Variants in SNX8 observed in about 807,000 individuals in gnomAD.
The protein encoded by SNX8 is sorting nexin 8, also known as sorting nexin-8.
SNX8 carries 25 observed loss-of-function variants against 51.6 expected under a neutral mutation model. The ratio of observed to expected loss-of-function variants is 0.48; its 90% CI spans 0.35 to 0.68. The LOEUF is 0.68. Among genes scored for constraint, SNX8 ranks in the 30% least tolerant of loss-of-function variants. The probability of loss-of-function intolerance (pLI) is 0.00; values close to 1 mark genes in which losing one functional copy is unlikely to be tolerated. For missense variants in SNX8, 695 were observed against 624.0 expected, an observed-to-expected ratio of 1.11 and a Z score of -1.21; for synonymous variants, 324 against 277.0, an observed-to-expected ratio of 1.17 and a Z score of -1.68.
intron 2 of SNX8, among the ~76,000 whole-genome samples, chr7:2,276,586 T>A (rs1795785980): frequency 1.3e-5 from 2 of 151,258 alleles, no homozygotes; most frequent in Admixed American, 1.3e-4. Context: ...GAGGACTGCT[T>A]GAGCCCAGGA....
In SNX8 at chr7:2,253,246, C is replaced by CTG. The variant is rs3075440; in HGVS notation, c.*1808_*1809dup. On this transcript the variant is annotated 3_prime_UTR_variant, in exon 11 of 11. Transcript: ENST00000222990. Reference sequence around the variant, plus strand: ...TGAAGTCTTGCTCAATCCTTGGGGGCTGTCAGGAGCGCGTGCCTTGCCTAC... The same window carrying CTG: ...TGAAGTCTTGCTCAATCCTTGGGGGCTGTGTCAGGAGCGCGTGCCTTGCCTAC... The CTG allele has an allele frequency of 0.92, 141,294 of 154,326 alleles. 64,953 individuals are homozygous for CTG. Among genetic ancestry groups the CTG allele is most frequent in the Non-Finnish European group, 0.96 (65,717 of 68,278 alleles). 9.6% of individuals were successfully genotyped at this position (154,326 alleles called of 1,614,324 possible). A position where few individuals can be genotyped will look rare whatever the true frequency, so the allele number is the denominator to read the frequency against.
chr7:2,318,559 G>C (rs1213117842), upstream of SNX8, among the ~76,000 whole-genome samples: 2 of 147,356 alleles, frequency 1.4e-5, no homozygotes, highest in Non-Finnish European at 3.0e-5. Flanking sequence ...AGCTGGGCAT[G>C]GTGGCAGGCG....
intron 1 of SNX8, among the ~76,000 whole-genome samples, chr7:2,351,912 T>G (rs201060489): frequency 2.9e-4 from 21 of 71,276 alleles, no homozygotes; most frequent in Admixed American, 4.4e-4. Flanking sequence ...TTGGTTTTTT[T>G]TTTTTTTTTT....
upstream of SNX8, among the ~76,000 whole-genome samples, chr7:2,315,131 T>C (rs1394183067): frequency 6.6e-6 from 1 of 151,416 alleles, no homozygotes; most frequent in Non-Finnish European, 1.5e-5. Flanking sequence ...CCTGCATTCA[T>C]CCAGCCACTC....
chr7:2,301,927 G>A (rs1461323017), intron 1 of SNX8, among the ~76,000 whole-genome samples: 1 of 152,138 alleles, frequency 6.6e-6, no homozygotes, highest in Non-Finnish European at 1.5e-5. Context: ...AGAATGCAGA[G>A]CACATTGTCC....
In SNX8 at chr7:2,263,382, G is replaced by C; in HGVS notation, c.783-20C>G. Reference sequence around the variant, plus strand: ...ATTGCACTGAGGGAGCAAGCACACAGGAGAGGAGACACTCAAGGCCTGGAG... The same window carrying C: ...ATTGCACTGAGGGAGCAAGCACACACGAGAGGAGACACTCAAGGCCTGGAG... On this transcript the variant is annotated intron_variant, in intron 6 of 10. Transcript: ENST00000222990. 6.4e-7 allele frequency: 1 copy of C among 1,570,858 alleles called. No homozygotes were observed. The highest frequency in any genetic ancestry group is 8.6e-7 in the Non-Finnish European group (1 of 1,157,190).
At chr7:2,343,302 G>C (rs1778967003) in intron 1 of SNX8, among the ~76,000 whole-genome samples, 1 of 151,982 alleles carries the variant, frequency 6.6e-6, no homozygotes, top group Non-Finnish European at 1.5e-5. Flanking sequence ...CATGAACAAA[G>C]ATGCAAAGAT....
intron 1 of SNX8, among the ~76,000 whole-genome samples, chr7:2,282,663 A>G: frequency 6.6e-6 from 1 of 152,214 alleles, no homozygotes; most frequent in East Asian, 1.9e-4. Flanking sequence ...CTCCCACCCC[A>G]GAGACCGCAG....
At chr7:2,263,105 G>C in intron 7 of SNX8, 125 bp downstream of exon 7, 1 of 1,176,072 alleles carries the variant, frequency 8.5e-7, no homozygotes, top group Non-Finnish European at 1.2e-6. Context: ...GCAACAGAGG[G>C]AGACTCCTTC....
chr7:2,279,740 G>A (rs1407453540), intron 1 of SNX8, among the ~76,000 whole-genome samples: 1 of 142,572 alleles, frequency 7.0e-6, no homozygotes, highest in Non-Finnish European at 1.5e-5. Flanking sequence ...GCAACAGAGT[G>A]AGACCCTGTC....
intron 7 of SNX8, among the ~76,000 whole-genome samples, chr7:2,259,837 C>G (rs923693084): frequency 5.9e-5 from 9 of 152,142 alleles, no homozygotes; most frequent in African/African-American, 2.2e-4. Flanking sequence ...TGTCATTTGT[C>G]ACCAAGTCCC....
At chr7:2,292,494 C>T (rs923205994) in intron 1 of SNX8, among the ~76,000 whole-genome samples, 6 of 151,654 alleles carry the variant, frequency 4.0e-5, no homozygotes, top group Non-Finnish European at 8.8e-5. Context: ...TCACTGCAAG[C>T]TCCGCCTCCC....
upstream of SNX8, among the ~76,000 whole-genome samples, chr7:2,317,683 G>A (rs559717033): frequency 1.4e-4 from 22 of 152,148 alleles, no homozygotes; most frequent in East Asian, 3.7e-3. Context: ...TTCTCACAAG[G>A]TAGTTACTTC....
chr7:2,263,234 T>C lies in SNX8; in HGVS notation c.911A>G (p.Gln304Arg), dbSNP rs770575326. Residue 304 changes from glutamine (Q) to arginine (R), a missense_variant, in exon 7 of 11, where the codon CAA becomes CGA. Transcript: ENST00000222990. ...TGGGAGAACCGATCCACTCACCTGT[T>C]GTGCAGCCTTGTCGGCGAGCAGCGC... The part of the protein sequence containing the change: ...EFALLADKAA[Q>R]QGKQEENDVV... The C allele has an allele frequency of 3.7e-6, 6 of 1,613,862 alleles. No individual in the cohort carries two copies. The highest frequency in any genetic ancestry group is 2.2e-5 in the South Asian group (2 of 91,078).
At chr7:2,344,446 C>T (rs1653578897) in intron 1 of SNX8, among the ~76,000 whole-genome samples, 2 of 148,454 alleles carry the variant, frequency 1.3e-5, no homozygotes, top group Admixed American at 1.4e-4. Flanking sequence ...CCCGTCTCTA[C>T]TAAAAATACA....
intron 10 of SNX8, 72 bp downstream of exon 10, chr7:2,256,802 G>C (rs1351726315): frequency 2.0e-6 from 3 of 1,511,674 alleles, no homozygotes; most frequent in Non-Finnish European, 2.7e-6. Context: ...CCGCGCTGCC[G>C]GGCTTGAAGG....
intron 5 of SNX8, among the ~76,000 whole-genome samples, chr7:2,265,781 G>A (rs781136676): frequency 6.6e-6 from 1 of 152,172 alleles, no homozygotes; most frequent in Non-Finnish European, 1.5e-5. Flanking sequence ...CTAACTATCA[G>A]AGTTCAGAAA....
intron 1 of SNX8, among the ~76,000 whole-genome samples, chr7:2,334,377 AG>A (rs1778787988): frequency 6.6e-6 from 1 of 150,848 alleles, no homozygotes; most frequent in African/African-American, 2.4e-5. Context: ...GACTCCAGCC[AG>A]GGTGACGGAG....
chr7:2,287,115 G>A (rs1021640307), intron 1 of SNX8, among the ~76,000 whole-genome samples: 1 of 151,660 alleles, frequency 6.6e-6, no homozygotes, highest in Admixed American at 6.6e-5. Context: ...TCCAGCCTGG[G>A]CAACAGAGTG....
Sources: gnomAD v4.1 joint callset for allele counts (sites outside exome capture counted in the v4.1 genomes callset) on GRCh38, gnomAD v4.1.1 for gene constraint, MANE v1.5 for transcripts, NCBI Gene and HGNC (gene_info 2026-07-23, HGNC 2026-07-21) for gene names.